PIP4K2A: variants seen among roughly 807,000 people sequenced by gnomAD.
PIP4K2A encodes phosphatidylinositol 5-phosphate 4-kinase type-2 alpha.
A neutral mutation model predicts 42.9 loss-of-function variants in PIP4K2A; 14 were observed. The ratio of observed to expected loss-of-function variants is 0.33; its 90% CI spans 0.22 to 0.51. The LOEUF (loss-of-function observed/expected upper bound fraction) is 0.51, where lower values mean the gene tolerates loss of function less well. Among genes scored for constraint, PIP4K2A ranks in the 20% least tolerant of loss-of-function variants. The pLI is 0.97. For synonymous variants in PIP4K2A, 192 were observed against 192.2 expected, an observed-to-expected ratio of 1.00 and a Z score of 0.01; for missense variants, 434 against 519.8, an observed-to-expected ratio of 0.83 and a Z score of 1.61.
At chr10:22,680,700 T>G (rs539524902) in intron 1 of PIP4K2A, among the ~76,000 whole-genome samples, 1 of 152,328 alleles carries the variant, frequency 6.6e-6, no homozygotes, top group Non-Finnish European at 1.5e-5. Context: ...AGGCTCAACA[T>G]TGTGTTCCTG....
intron 9 of PIP4K2A, among the ~76,000 whole-genome samples, chr10:22,538,857 C>A (rs1012917244): frequency 6.6e-6 from 1 of 152,212 alleles, no homozygotes; most frequent in East Asian, 1.9e-4. Flanking sequence ...TAGCTATCGA[C>A]AATGTGACTG....
chr10:22,671,745 T>TACACACACACACACACAC (rs143696456), intron 1 of PIP4K2A, among the ~76,000 whole-genome samples: 3,617 of 144,594 alleles, frequency 0.025, 57 homozygotes, highest in African/African-American at 0.033. Flanking sequence ...ACTTGGAAAA[T>TACACACACACACACACAC]ACACACACAC....
At chr10:22,581,885 G>T (rs1003706623) in intron 4 of PIP4K2A, among the ~76,000 whole-genome samples, 1 of 152,124 alleles carries the variant, frequency 6.6e-6, no homozygotes, top group East Asian at 1.9e-4. Flanking sequence ...GTTGAGGCAG[G>T]AGGATCGCTT....
At position 22,535,798 on chromosome 10, in the gene PIP4K2A, C is replaced by G. The variant is rs952574855; in HGVS notation, c.*1403G>C. ...ATAACTTGATTAAAAACAATCAGCA[C>G]AGTTTAGGGCAATGAACTTTCATAA... is the stretch of plus-strand genomic sequence containing the variant. On this transcript the variant is annotated 3_prime_UTR_variant, in exon 10 of 10. Transcript: ENST00000376573. 1.1e-5 allele frequency: 3 copies of G among 266,530 alleles called. No homozygotes were observed. The highest frequency in any genetic ancestry group is 2.2e-5 in the African/African-American group (1 of 45,994). The allele number at this position is 266,530 out of a possible 1,614,324, so 16.5% of individuals were successfully genotyped here. A position where few individuals can be genotyped will look rare whatever the true frequency, so the allele number is the denominator to read the frequency against.
At chr10:22,674,781 A>AT (rs1259909459) in intron 1 of PIP4K2A, among the ~76,000 whole-genome samples, 6 of 145,082 alleles carry the variant, frequency 4.1e-5, no homozygotes, top group Admixed American at 2.0e-4. Flanking sequence ...GTCTCTACCA[A>AT]AAAATAAATA....
At chr10:22,560,533 G>T (rs1221918929) in intron 6 of PIP4K2A, among the ~76,000 whole-genome samples, 1 of 152,238 alleles carries the variant, frequency 6.6e-6, no homozygotes, top group Non-Finnish European at 1.5e-5. Context: ...GTCGGAGACG[G>T]TGACAGTCAC....
chr10:22,556,878 A>G (rs1282236220), intron 6 of PIP4K2A, among the ~76,000 whole-genome samples: 1 of 152,214 alleles, frequency 6.6e-6, no homozygotes, highest in East Asian at 1.9e-4. Context: ...ACAGCATCAC[A>G]GGCCTCAGCA....
At chr10:22,558,038 T>A (rs1836595809) in intron 6 of PIP4K2A, among the ~76,000 whole-genome samples, 1 of 152,250 alleles carries the variant, frequency 6.6e-6, no homozygotes, top group Non-Finnish European at 1.5e-5. Context: ...TTGTTTGATA[T>A]GCTCATTTGG....
intron 4 of PIP4K2A, among the ~76,000 whole-genome samples, chr10:22,578,671 G>C (rs774170279): frequency 1.3e-5 from 2 of 150,448 alleles, no homozygotes; most frequent in Non-Finnish European, 3.0e-5. Flanking sequence ...TCTGCGTCTC[G>C]ATAACCCCCA....
intron 4 of PIP4K2A, among the ~76,000 whole-genome samples, chr10:22,581,620 G>A (rs913559677): frequency 2.8e-5 from 4 of 144,716 alleles, no homozygotes; most frequent in African/African-American, 5.1e-5. Context: ...ATTAAGTACC[G>A]TTCACTTCTG....
chr10:22,699,140 C>T (rs1833659123), intron 1 of PIP4K2A, among the ~76,000 whole-genome samples: 1 of 151,998 alleles, frequency 6.6e-6, no homozygotes, highest in Non-Finnish European at 1.5e-5. Context: ...GCGCAACGTG[C>T]CAAAAAGAAA....
chr10:22,648,163 A>G lies in PIP4K2A; in HGVS notation c.145-38446T>C, dbSNP rs1588684366. 2.6e-5 allele frequency among the ~76,000 whole-genome samples: 4 copies of G among 152,266 alleles called. No homozygotes were observed. The South Asian group carries it at 8.3e-4, about 32-fold the overall frequency. ...CACAAAATTCACTCTGTTTAAATATACAGTTTTCTCTCTTCTTTCCTGCAA... is the reference window on the plus strand; with the variant it reads ...CACAAAATTCACTCTGTTTAAATATGCAGTTTTCTCTCTTCTTTCCTGCAA... On this transcript the variant is annotated intron_variant, in intron 1 of 9. Transcript: ENST00000376573.
chr10:22,564,946 T>C (rs940293866), intron 6 of PIP4K2A, among the ~76,000 whole-genome samples: 1 of 152,228 alleles, frequency 6.6e-6, no homozygotes, highest in African/African-American at 2.4e-5. Flanking sequence ...CTCTGGTTCA[T>C]GGAAAATTAC....
At chr10:22,539,013 G>A (rs964380011) in intron 9 of PIP4K2A, among the ~76,000 whole-genome samples, 19 of 152,070 alleles carry the variant, frequency 1.2e-4, no homozygotes, top group African/African-American at 4.3e-4. Context: ...CTTCTTCCAG[G>A]GCCAACAAAC....
chr10:22,552,568 C>T (rs550927222), intron 6 of PIP4K2A, among the ~76,000 whole-genome samples: 2 of 152,214 alleles, frequency 1.3e-5, no homozygotes, highest in African/African-American at 2.4e-5. Flanking sequence ...CCTATTAGAA[C>T]TGTAAACATA....
At chr10:22,672,294 G>C (rs1026178741) in intron 1 of PIP4K2A, among the ~76,000 whole-genome samples, 1 of 146,376 alleles carries the variant, frequency 6.8e-6, no homozygotes, top group Admixed American at 6.9e-5. Context: ...TGTGGGGGGG[G>C]ATTGTTGGAG....
At chr10:22,630,063 G>A (rs1838517615) in intron 1 of PIP4K2A, among the ~76,000 whole-genome samples, 2 of 152,012 alleles carry the variant, frequency 1.3e-5, no homozygotes, top group African/African-American at 4.8e-5. Flanking sequence ...AAGGCCAGGC[G>A]CAGTAGCTCA....
intron 4 of PIP4K2A, among the ~76,000 whole-genome samples, chr10:22,575,509 G>T (rs1271374432): frequency 6.6e-6 from 1 of 152,170 alleles, no homozygotes; most frequent in Non-Finnish European, 1.5e-5. Flanking sequence ...ATATGGTCAA[G>T]AAATCTTTTG....
rs10681238 is a variant in PIP4K2A, at chr10:22,596,205, C to CAAAAAAAAAAAAAAAAAAAAA, written c.340-4425_340-4424insTTTTTTTTTTTTTTTTTTTTT. On this transcript the variant is annotated intron_variant, in intron 3 of 9. Transcript: ENST00000376573. ...GGGCAACAAGAGCAAAACTCCGTCT[C>CAAAAAAAAAAAAAAAAAAAAA]AAAAAAAAAAAAAAAAAAAAGGATT... 8.5e-4 allele frequency among the ~76,000 whole-genome samples: 59 copies of CAAAAAAAAAAAAAAAAAAAAA among 69,658 alleles called. 3 individuals are homozygous for CAAAAAAAAAAAAAAAAAAAAA. The highest frequency in any genetic ancestry group is 3.5e-3 in the African/African-American group (56 of 15,796). The allele number at this position is 69,658 out of a possible 152,430, so 45.7% of individuals were successfully genotyped here.
Sources: gnomAD v4.1 joint callset for allele counts (sites outside exome capture counted in the v4.1 genomes callset) on GRCh38, gnomAD v4.1.1 for gene constraint, MANE v1.5 for transcripts, NCBI Gene and HGNC (gene_info 2026-07-23, HGNC 2026-07-21) for gene names.